Variants in GALNT13 observed in about 807,000 individuals in gnomAD.
The protein encoded by GALNT13 is UDP-GalNAc:polypeptide N-acetylgalactosaminyltransferase 13.
In GALNT13, 28 loss-of-function variants were observed where a neutral mutation model predicts 64.2. The observed-to-expected ratio is 0.44, with a 90% CI of 0.32 to 0.60. GALNT13 has a LOEUF of 0.60. Among genes scored for constraint, GALNT13 ranks in the 20% least tolerant of loss-of-function variants. GALNT13 has a pLI of 0.05. For missense variants in GALNT13, 577 were observed against 669.8 expected (o/e 0.86, Z 1.53); for synonymous variants, 214 against 224.6 (o/e 0.95, Z 0.42).
the GALNT13 span, among the ~76,000 whole-genome samples, chr2:153,455,078 G>A: frequency 1.3e-5 from 2 of 152,158 alleles, no homozygotes; most frequent in African/African-American, 2.4e-5. Flanking sequence ...TTACATTGGG[G>A]ATAGGAAGGA....
chr2:153,393,723 G>A, the GALNT13 span, among the ~76,000 whole-genome samples: 8 of 152,014 alleles, frequency 5.3e-5, no homozygotes, highest in East Asian at 1.4e-3. Context: ...CATAATGTGG[G>A]TGGGCCTTAT....
chr2:153,591,177 A>G, the GALNT13 span, among the ~76,000 whole-genome samples: 1 of 152,094 alleles, frequency 6.6e-6, no homozygotes, highest in Non-Finnish European at 1.5e-5. Flanking sequence ...CCAGTAACCT[A>G]GCTGACAAGA....
At chr2:154,024,270 G>A (rs1697765205) in intron 3 of GALNT13, among the ~76,000 whole-genome samples, 1 of 152,126 alleles carries the variant, frequency 6.6e-6, no homozygotes, top group Non-Finnish European at 1.5e-5. Context: ...AGTTCTCCTG[G>A]ATAATATCCT....
At chr2:153,156,068 T>A in the GALNT13 span, among the ~76,000 whole-genome samples, 2 of 152,202 alleles carry the variant, frequency 1.3e-5, no homozygotes, top group East Asian at 3.9e-4. Context: ...AGTATTGATT[T>A]CTAATTTGAT....
chr2:154,194,123 G>A (rs1369873397), intron 4 of GALNT13, among the ~76,000 whole-genome samples: 1 of 152,156 alleles, frequency 6.6e-6, no homozygotes, highest in African/African-American at 2.4e-5. Context: ...ACCTCAAGAG[G>A]TAAGTCTCAT....
chr2:153,557,787 A>C, the GALNT13 span, among the ~76,000 whole-genome samples: 1,627 of 152,236 alleles, frequency 0.011, 18 homozygotes, highest in African/African-American at 0.037. Flanking sequence ...CCTCATCCTC[A>C]AACTTCATCT....
At chr2:154,018,337 T>C (rs553357856) in intron 3 of GALNT13, among the ~76,000 whole-genome samples, 7 of 152,212 alleles carry the variant, frequency 4.6e-5, no homozygotes, top group African/African-American at 7.2e-5. Flanking sequence ...AAGTAGCCAC[T>C]TCCTCCAGCT....
At chr2:154,339,431 C>T (rs79230304) in intron 9 of GALNT13, among the ~76,000 whole-genome samples, 2,509 of 152,126 alleles carry the variant, frequency 0.016, 29 homozygotes, top group Middle Eastern at 0.031. Flanking sequence ...TTAGAATTAA[C>T]CCTGTGATGT....
At chr2:153,114,756 T>C in the GALNT13 span, among the ~76,000 whole-genome samples, 1 of 152,144 alleles carries the variant, frequency 6.6e-6, no homozygotes, top group Non-Finnish European at 1.5e-5. Context: ...GTCAATGAGC[T>C]TAAACAAAGT....
chr2:153,266,437 T>C, the GALNT13 span, among the ~76,000 whole-genome samples: 1 of 152,112 alleles, frequency 6.6e-6, no homozygotes, highest in Non-Finnish European at 1.5e-5. Context: ...ATAAGGATAC[T>C]GCCTGAGACT....
chr2:153,489,177 G>A, the GALNT13 span, among the ~76,000 whole-genome samples: 5 of 152,050 alleles, frequency 3.3e-5, no homozygotes, highest in East Asian at 1.9e-4. Flanking sequence ...TAAATAAAAC[G>A]TACACTATTT....
At chr2:153,930,804 G>T (rs2105355523) in intron 2 of GALNT13, among the ~76,000 whole-genome samples, 1 of 152,050 alleles carries the variant, frequency 6.6e-6, no homozygotes, top group South Asian at 2.1e-4. Context: ...TGGCTATCTG[G>T]GCTCTTATTT....
chr2:153,105,894 G>T, the GALNT13 span, among the ~76,000 whole-genome samples: 8 of 152,134 alleles, frequency 5.3e-5, no homozygotes, highest in Non-Finnish European at 1.5e-5. Context: ...AGAACATTTA[G>T]TTTAGCTTTT....
At chr2:154,174,965 G>A (rs1453092388) in intron 4 of GALNT13, among the ~76,000 whole-genome samples, 1 of 152,128 alleles carries the variant, frequency 6.6e-6, no homozygotes, top group African/African-American at 2.4e-5. Context: ...ATATTAAAAA[G>A]AGATTTACTG....
chr2:153,573,953 A>G, the GALNT13 span, among the ~76,000 whole-genome samples: 4 of 151,880 alleles, frequency 2.6e-5, no homozygotes, highest in African/African-American at 7.3e-5. Flanking sequence ...CCTTCAGGTG[A>G]TTATTTATTG....
intron 3 of GALNT13, among the ~76,000 whole-genome samples, chr2:153,987,378 GC>G (rs1042962982): frequency 1.3e-5 from 2 of 151,694 alleles, no homozygotes; most frequent in Non-Finnish European, 2.9e-5. Context: ...AGGGAGAGGG[GC>G]CTTTACTGCC....
the GALNT13 span, among the ~76,000 whole-genome samples, chr2:153,432,417 C>T: frequency 1.1e-4 from 17 of 152,234 alleles, no homozygotes; most frequent in East Asian, 7.7e-4. Context: ...AATTAACTTT[C>T]GAGCTGCACA....
intron 12 of GALNT13, among the ~76,000 whole-genome samples, chr2:154,449,918 A>C (rs928612048): frequency 6.6e-6 from 1 of 152,022 alleles, no homozygotes; most frequent in Non-Finnish European, 1.5e-5. Flanking sequence ...TTCTACAATG[A>C]GTGTCTTACA....
chr2:154,136,637 T>A (rs2105566474), intron 3 of GALNT13, among the ~76,000 whole-genome samples: 1 of 152,256 alleles, frequency 6.6e-6, no homozygotes, highest in East Asian at 1.9e-4. Flanking sequence ...GTAAATTAAA[T>A]TTTTTAAGTA....
Sources: gnomAD v4.1 joint callset for allele counts (sites outside exome capture counted in the v4.1 genomes callset) on GRCh38, gnomAD v4.1.1 for gene constraint, MANE v1.5 for transcripts, NCBI Gene and HGNC (gene_info 2026-07-23, HGNC 2026-07-21) for gene names.